Variants in ROBO2 observed in about 807,000 individuals in gnomAD.
The protein encoded by ROBO2 is roundabout homolog 2.
A neutral mutation model predicts 160.8 loss-of-function variants in ROBO2; 53 were observed. The ratio of observed to expected loss-of-function variants is 0.33; its 90% CI spans 0.26 to 0.41. The LOEUF (loss-of-function observed/expected upper bound fraction) is 0.41, where lower values mean the gene tolerates loss of function less well. Ranked by LOEUF, ROBO2 falls within the 10% of genes least tolerant of loss-of-function variation. The pLI is 1.00. For synonymous variants in ROBO2, 664 were observed against 611.7 expected (o/e 1.09, Z -1.26); for missense variants, 1,577 against 1,722.4 (o/e 0.92, Z 1.49).
intron 2 of ROBO2, among the ~76,000 whole-genome samples, chr3:77,460,038 A>G (rs2082086501): frequency 6.7e-6 from 1 of 148,350 alleles, no homozygotes; most frequent in African/African-American, 2.6e-5. Context: ...CTGCAGGAAG[A>G]ATTGACTGTA....
At chr3:77,025,924 A>G (rs2062935750) in intron 2 of ROBO2, among the ~76,000 whole-genome samples, 1 of 152,232 alleles carries the variant, frequency 6.6e-6, no homozygotes, top group Non-Finnish European at 1.5e-5. Context: ...TAATTCTGCT[A>G]CAAGCACCTC....
chr3:76,943,282 A>G (rs9819776), intron 2 of ROBO2, among the ~76,000 whole-genome samples: 4,232 of 152,208 alleles, frequency 0.028, 175 homozygotes, highest in African/African-American at 0.096. Flanking sequence ...GACCCCCTTT[A>G]TCTTGAGTTG....
chr3:76,986,377 A>G (rs572609052), intron 2 of ROBO2, among the ~76,000 whole-genome samples: 2 of 152,136 alleles, frequency 1.3e-5, no homozygotes, highest in Non-Finnish European at 2.9e-5. Context: ...GTTCTAGAAC[A>G]TAGCTTTGTT....
chr3:75,929,563 A>G (rs1288133441), intron 1 of ROBO2, among the ~76,000 whole-genome samples: 2 of 152,132 alleles, frequency 1.3e-5, no homozygotes, highest in Admixed American at 1.3e-4. Flanking sequence ...CTTGGTTCCC[A>G]TTACAACTTC....
At chr3:76,499,716 G>A (rs966990613) in intron 2 of ROBO2, among the ~76,000 whole-genome samples, 5 of 152,158 alleles carry the variant, frequency 3.3e-5, no homozygotes, top group African/African-American at 9.7e-5. Flanking sequence ...ACACATGTAC[G>A]TGCAACAGAC....
chr3:76,980,803 A>T (rs1020503691), intron 2 of ROBO2, among the ~76,000 whole-genome samples: 3 of 152,074 alleles, frequency 2.0e-5, no homozygotes, highest in Admixed American at 1.3e-4. Context: ...GACCATTTTT[A>T]TTGTATCAAG....
chr3:76,856,730 A>G (rs1459883910), intron 2 of ROBO2, among the ~76,000 whole-genome samples: 1 of 152,186 alleles, frequency 6.6e-6, no homozygotes, highest in Non-Finnish European at 1.5e-5. Context: ...TATTTAAGTA[A>G]TTTATATTAC....
chr3:77,191,059 CT>C (rs2081793337), intron 2 of ROBO2, among the ~76,000 whole-genome samples: 1 of 151,950 alleles, frequency 6.6e-6, no homozygotes, highest in Non-Finnish European at 1.5e-5. Context: ...AACAACCTTG[CT>C]TTTTGACTAT....
chr3:76,429,407 A>G (rs147173351), intron 2 of ROBO2, among the ~76,000 whole-genome samples: 130 of 152,298 alleles, frequency 8.5e-4, no homozygotes, highest in African/African-American at 2.8e-3. Context: ...AAGCACTTAG[A>G]ACAATTCCTA....
intron 2 of ROBO2, among the ~76,000 whole-genome samples, chr3:76,880,156 T>C (rs1234702240): frequency 6.6e-6 from 1 of 152,134 alleles, no homozygotes; most frequent in Non-Finnish European, 1.5e-5. Flanking sequence ...TTAATGTCCT[T>C]TAATGTCTCC....
chr3:75,943,550 A>G (rs1948145888), intron 2 of ROBO2, among the ~76,000 whole-genome samples: 1 of 152,180 alleles, frequency 6.6e-6, no homozygotes, highest in Non-Finnish European at 1.5e-5. Flanking sequence ...AATTTACTAG[A>G]TGTCATTGTC....
chr3:76,881,503 G>A (rs561101837), intron 2 of ROBO2, among the ~76,000 whole-genome samples: 1 of 152,088 alleles, frequency 6.6e-6, no homozygotes, highest in Non-Finnish European at 1.5e-5. Flanking sequence ...TGCATTGTCA[G>A]ACTACTCACT....
intron 2 of ROBO2, among the ~76,000 whole-genome samples, chr3:76,376,865 T>C (rs558759479): frequency 3.6e-4 from 55 of 152,236 alleles, no homozygotes; most frequent in African/African-American, 1.2e-3. Context: ...AGTGGACCCC[T>C]GGCTTTTGAA....
chr3:76,674,396 C>T (rs975270970), intron 2 of ROBO2, among the ~76,000 whole-genome samples: 2 of 152,000 alleles, frequency 1.3e-5, no homozygotes, highest in Non-Finnish European at 2.9e-5. Context: ...AGGTCACTGT[C>T]AGCACTCCCC....
At chr3:76,276,574 T>A (rs1434672404) in intron 2 of ROBO2, among the ~76,000 whole-genome samples, 2 of 152,114 alleles carry the variant, frequency 1.3e-5, no homozygotes, top group African/African-American at 4.8e-5. Flanking sequence ...TTCATTTGTT[T>A]AAAACTACTT....
intron 2 of ROBO2, among the ~76,000 whole-genome samples, chr3:76,328,558 C>T (rs2107988946): frequency 6.6e-6 from 1 of 151,858 alleles, no homozygotes; most frequent in East Asian, 1.9e-4. Flanking sequence ...AACCCCATCT[C>T]TACTAAACAT....
chr3:77,215,395 A>G (rs1223617939), intron 2 of ROBO2, among the ~76,000 whole-genome samples: 1 of 152,010 alleles, frequency 6.6e-6, no homozygotes, highest in Non-Finnish European at 1.5e-5. Context: ...TTGTGCATTC[A>G]TCATGTAGTT....
chr3:76,014,975 C>T (rs910015437), intron 2 of ROBO2, among the ~76,000 whole-genome samples: 1 of 151,982 alleles, frequency 6.6e-6, no homozygotes, highest in Non-Finnish European at 1.5e-5. Context: ...AAAATAAAGG[C>T]AAAAAGTAGG....
At chr3:76,167,961 G>A (rs574546517) in intron 2 of ROBO2, among the ~76,000 whole-genome samples, 27 of 152,284 alleles carry the variant, frequency 1.8e-4, no homozygotes, top group African/African-American at 6.3e-4. Flanking sequence ...TCTCTTGGAA[G>A]CGCTGGTAGT....
Sources: gnomAD v4.1 joint callset for allele counts (sites outside exome capture counted in the v4.1 genomes callset) on GRCh38, gnomAD v4.1.1 for gene constraint, MANE v1.5 for transcripts, NCBI Gene and HGNC (gene_info 2026-07-23, HGNC 2026-07-21) for gene names.